SENP1: variants seen among roughly 807,000 people sequenced by gnomAD.
SENP1 encodes the protein sentrin-specific protease 1.
SENP1 carries 21 observed loss-of-function variants against 93.0 expected under a neutral mutation model. That is an observed-to-expected ratio of 0.23 (90% CI 0.16 to 0.33). The LOEUF (loss-of-function observed/expected upper bound fraction) is 0.33, where lower values mean the gene tolerates loss of function less well. SENP1 is among the 10% of genes least tolerant of loss of function. SENP1 has a pLI of 1.00. For synonymous variants in SENP1, 256 were observed against 259.6 expected (o/e 0.99, Z 0.13); for missense variants, 591 against 758.7 (o/e 0.78, Z 2.60).
intron 4 of SENP1, among the ~76,000 whole-genome samples, chr12:48,095,561 C>CAAAAA (rs1945505421): frequency 7.2e-6 from 1 of 139,846 alleles, no homozygotes. Context: ...AAAAAAAATT[C>CAAAAA]CTGTTGAGGC....
At chr12:48,085,109 G>C in intron 5 of SENP1, 1 of 1,388,312 alleles carries the variant, frequency 7.2e-7, no homozygotes, top group Non-Finnish European at 1.0e-6. Flanking sequence ...ACAAGGACAC[G>C]GTGACTGGTT....
At chr12:48,105,659 C>T in intron 1 of SENP1, 1 of 428,752 alleles carries the variant, frequency 2.3e-6, no homozygotes, top group Non-Finnish European at 4.4e-6. Flanking sequence ...AACAGCTCTC[C>T]CCAGAGAAGA....
chr12:48,043,438 T>C lies in SENP1; in HGVS notation c.*1884A>G, dbSNP rs1161804040. On this transcript the variant is annotated 3_prime_UTR_variant, in exon 18 of 18. Transcript: ENST00000549518. ...ATTCATAGTCCAAATCGACACCATA[T>C]TGCCACCTTTCAAGTTGTTGCTTAC... The C allele has an allele frequency of 6.6e-6, 1 of 152,610 alleles. No individual in the cohort carries two copies. Among genetic ancestry groups the C allele is most frequent in the East Asian group, 1.9e-4 (1 of 5,200 alleles). 9.5% of individuals were successfully genotyped at this position (152,610 alleles called of 1,614,324 possible).
chr12:48,078,352 TAC>T (rs200961396), intron 6 of SENP1, among the ~76,000 whole-genome samples: 25,148 of 136,992 alleles, frequency 0.18, 3,682 homozygotes, highest in East Asian at 0.33. Flanking sequence ...CATATATATA[TAC>T]ACACACACAC....
intron 13 of SENP1, among the ~76,000 whole-genome samples, chr12:48,051,451 G>A (rs1318436162): frequency 6.6e-6 from 1 of 152,152 alleles, no homozygotes. Context: ...AAGGGAGTTT[G>A]GTGACCTCAA....
chr12:48,101,515 T>G lies in SENP1; in HGVS notation c.-43A>C. 1 of 1,566,512 alleles carries G rather than the reference T, an allele frequency of 6.4e-7. No individual in the cohort carries two copies. Among genetic ancestry groups the G allele is most frequent in the Non-Finnish European group, 8.7e-7 (1 of 1,148,514 alleles). ...CACTGACTTTAGCAAAGATACAAAGTCCTATAAAAGAAGACACAAAACAGA... is the reference window on the plus strand; with the variant it reads ...CACTGACTTTAGCAAAGATACAAAGGCCTATAAAAGAAGACACAAAACAGA... On this transcript the variant is annotated splice_region_variant and 5_prime_UTR_variant, in exon 2 of 18. Coordinates refer to ENST00000549518, the MANE Select transcript of SENP1 (RefSeq NM_001267594.2).
At chr12:48,046,791 C>T (rs1234184182) in intron 16 of SENP1, among the ~76,000 whole-genome samples, 187 bp downstream of exon 16, 3 of 152,020 alleles carry the variant, frequency 2.0e-5, no homozygotes, top group Non-Finnish European at 4.4e-5. Context: ...AAACCTAGTT[C>T]TACATAAGAA....
intron 16 of SENP1, 125 bp from the exon 17 acceptor site, chr12:48,046,576 C>G (rs895719745): frequency 1.8e-4 from 130 of 711,932 alleles, no homozygotes; most frequent in Non-Finnish European, 2.6e-4. Flanking sequence ...GACTCTGGCC[C>G]CCCAGTCAGG....
At chr12:48,072,661 C>T (rs890330143) in intron 8 of SENP1, among the ~76,000 whole-genome samples, 6 of 151,992 alleles carry the variant, frequency 3.9e-5, no homozygotes, top group Admixed American at 1.3e-4. Flanking sequence ...ACACTACTTC[C>T]TTTAAGTGAA....
At chr12:48,078,402 T>C (rs1352242754) in intron 6 of SENP1, among the ~76,000 whole-genome samples, 1 of 148,258 alleles carries the variant, frequency 6.7e-6, no homozygotes, top group Non-Finnish European at 1.5e-5. Flanking sequence ...CACACATATA[T>C]ACACATATAT....
rs969259229 is a variant in SENP1, at chr12:48,043,954, C to T, written c.*1368G>A. 1 of 152,412 alleles carries T rather than the reference C, an allele frequency of 6.6e-6. No individual in the cohort carries two copies. The highest frequency in any genetic ancestry group is 2.4e-5 in the African/African-American group (1 of 41,406). 9.4% of individuals were successfully genotyped at this position (152,412 alleles called of 1,614,324 possible). A position where few individuals can be genotyped will look rare whatever the true frequency, so the allele number is the denominator to read the frequency against. ...TCATACAAAACTACCTATTACAATA[C>T]AGAAAAAAGTATAAAATGTTCCTAC... is the stretch of plus-strand genomic sequence containing the variant. On this transcript the variant is annotated 3_prime_UTR_variant, in exon 18 of 18. Coordinates refer to ENST00000549518, the MANE Select transcript of SENP1 (RefSeq NM_001267594.2).
intron 8 of SENP1, among the ~76,000 whole-genome samples, chr12:48,072,972 G>A (rs1943814520): frequency 6.6e-6 from 1 of 152,062 alleles, no homozygotes; most frequent in South Asian, 2.1e-4. Context: ...AAGAAGGGGT[G>A]GGGGAATGGA....
At chr12:48,062,734 T>C (rs749790097) in intron 13 of SENP1, among the ~76,000 whole-genome samples, 1 of 152,240 alleles carries the variant, frequency 6.6e-6, no homozygotes, top group Non-Finnish European at 1.5e-5. Context: ...TATGCCTTGT[T>C]TCTTTATCTG....
At chr12:48,058,805 C>T (rs547452848) in intron 13 of SENP1, among the ~76,000 whole-genome samples, 2 of 152,258 alleles carry the variant, frequency 1.3e-5, no homozygotes, top group East Asian at 1.9e-4. Flanking sequence ...CTGAAGAACA[C>T]GTAATATTTC....
intron 4 of SENP1, among the ~76,000 whole-genome samples, chr12:48,093,794 G>A (rs1207257905): frequency 4.6e-5 from 7 of 150,948 alleles, no homozygotes; most frequent in African/African-American, 7.3e-5. Flanking sequence ...GCGAAACTCC[G>A]TCTCTACCAA....
intron 2 of SENP1, 143 bp from the exon 3 acceptor site, chr12:48,098,267 A>T: frequency 6.5e-6 from 5 of 769,952 alleles, no homozygotes; most frequent in Non-Finnish European, 9.8e-6. Flanking sequence ...TGAGAGGCTG[A>T]GGCAGGAGGA....
chr12:48,092,690 C>T (rs1185574874), intron 4 of SENP1, among the ~76,000 whole-genome samples: 1 of 152,066 alleles, frequency 6.6e-6, no homozygotes, highest in African/African-American at 2.4e-5. Context: ...TTATTTTCTT[C>T]TCCAAAAAAA....
chr12:48,065,749 C>A lies in SENP1; in HGVS notation c.1035-69G>T, dbSNP rs1471297367. 28 of 966,794 alleles carry A rather than the reference C, an allele frequency of 2.9e-5. No homozygotes were observed. The Admixed American group carries it at 3.4e-4, about 12-fold the overall frequency. 59.9% of individuals were successfully genotyped at this position (966,794 alleles called of 1,614,324 possible). On this transcript the variant is annotated intron_variant, in intron 10 of 17. Coordinates refer to ENST00000549518, the MANE Select transcript of SENP1 (RefSeq NM_001267594.2). ...TTATGAAACATATTGTTGATGTACA[C>A]TGAATATTAAATACAGGACCCTCAC...
At chr12:48,072,881 G>A (rs545725527) in intron 8 of SENP1, among the ~76,000 whole-genome samples, 133 of 151,838 alleles carry the variant, frequency 8.8e-4, no homozygotes, top group Non-Finnish European at 1.7e-3. Context: ...GGTGGGGGGC[G>A]GGTCTTGGAA....
Sources: gnomAD v4.1 joint callset for allele counts (sites outside exome capture counted in the v4.1 genomes callset) on GRCh38, gnomAD v4.1.1 for gene constraint, MANE v1.5 for transcripts, NCBI Gene and HGNC (gene_info 2026-07-23, HGNC 2026-07-21) for gene names.